The following WASF2 variants were observed in gnomAD, a reference collection of about 807,000 sequenced individuals.
WASF2 encodes the protein WASP family member 2, also known as actin-binding protein WASF2.
In WASF2, 14 loss-of-function variants were observed where a neutral mutation model predicts 45.0. The ratio of observed to expected loss-of-function variants is 0.31; its 90% CI spans 0.21 to 0.49. The LOEUF is 0.49. Among genes scored for constraint, WASF2 ranks in the 20% least tolerant of loss-of-function variants. The pLI is 0.99. For synonymous variants in WASF2, 200 were observed against 236.3 expected, an observed-to-expected ratio of 0.85 and a Z score of 1.41; for missense variants, 439 against 636.1, an observed-to-expected ratio of 0.69 and a Z score of 3.33.
chr1:27,418,416 A>G lies in WASF2; in HGVS notation c.272T>C (p.Leu91Pro). The change falls in exon 4 of 9, where the codon CTG (leucine) becomes CCG (proline). Residue 91 changes from leucine (L) to proline (P), a missense_variant. Physicochemically the swap from Leu to Pro is moderately conservative, Grantham distance 98. Transcript: ENST00000618852. ...GGCTTTTCGGGTGTTGATTCCTTGCAGTGACACTGAGAGAAGATGGAAGGC... is the reference window on the plus strand; with the variant it reads ...GGCTTTTCGGGTGTTGATTCCTTGCGGTGACACTGAGAGAAGATGGAAGGC... The part of the protein sequence containing the change: ...QLDPKEEEVS[L>P]QGINTRKAFR... The G allele has an allele frequency of 6.2e-7, 1 of 1,614,254 alleles. No individual in the cohort carries two copies. The highest frequency in any genetic ancestry group is 8.5e-7 in the Non-Finnish European group (1 of 1,180,048).
At chr1:27,451,052 GAAA>G (rs939560148) in intron 1 of WASF2, among the ~76,000 whole-genome samples, 1 of 143,122 alleles carries the variant, frequency 7.0e-6, no homozygotes, top group African/African-American at 2.6e-5. Flanking sequence ...CTCTTAAAAA[GAAA>G]AAAAAAAGCA....
chr1:27,418,806 C>A, intron 3 of WASF2, 148 bp downstream of exon 3: 1 of 978,704 alleles, frequency 1.0e-6, no homozygotes, highest in Non-Finnish European at 1.5e-6. Flanking sequence ...TTCTTTCCAG[C>A]ACTCAGGCTT....
chr1:27,432,488 A>G (rs2017079169), intron 1 of WASF2, among the ~76,000 whole-genome samples: 1 of 151,692 alleles, frequency 6.6e-6, no homozygotes, highest in Non-Finnish European at 1.5e-5. Context: ...CTCTACTAAA[A>G]ATACAAAAAA....
chr1:27,410,115 G>A lies in WASF2; in HGVS notation c.916C>T (p.Leu306=). The A allele has an allele frequency of 6.2e-7, 1 of 1,613,772 alleles. No individual in the cohort carries two copies. The highest frequency in any genetic ancestry group is 8.5e-7 in the Non-Finnish European group (1 of 1,179,720). The change falls in exon 8 of 9, where the codon CTA becomes TTA. Residue 306 remains leucine, a synonymous_variant. Coordinates refer to ENST00000618852, the MANE Select transcript of WASF2 (RefSeq NM_006990.5). The surrounding 1 kb of genome is among the most constrained non-coding windows in gnomAD (Gnocchi z 4.2). ...GGTTTAGGGCCTGGTGGAGAGCCTA[G>A]AGGAGGAGCTGGTGGTGGATGGCTT... ...SPSHPPPAPP[L]GSPPGPKPGF...
intron 1 of WASF2, among the ~76,000 whole-genome samples, chr1:27,477,024 T>C (rs2017775106): frequency 6.6e-6 from 1 of 152,194 alleles, no homozygotes; most frequent in African/African-American, 2.4e-5. Flanking sequence ...TGAATACAGC[T>C]ACAAAAAGGC....
intron 1 of WASF2, among the ~76,000 whole-genome samples, chr1:27,471,649 G>A (rs1019813588): frequency 9.9e-5 from 15 of 152,044 alleles, no homozygotes; most frequent in African/African-American, 3.1e-4. Flanking sequence ...CACACAAAGA[G>A]TAGATGACCT....
intron 1 of WASF2, among the ~76,000 whole-genome samples, chr1:27,456,751 T>G (rs1322915047): frequency 1.3e-5 from 2 of 150,630 alleles, no homozygotes. Flanking sequence ...TTTTTTTTTT[T>G]GGAGACAGAG....
Position 27,408,043 on chromosome 1 carries a change from A to G in WASF2, c.*146T>C, listed in dbSNP as rs769945179. ...GTTGACTTGGAGGAAGCACTTGGAT[A>G]TATCTTTGGTTGCTTCAGGGAAAGC... On this transcript the variant is annotated 3_prime_UTR_variant, in exon 9 of 9. Coordinates refer to ENST00000618852, the MANE Select transcript of WASF2 (RefSeq NM_006990.5). 1.1e-6 allele frequency: 1 copy of G among 924,348 alleles called. No homozygotes were observed. Among genetic ancestry groups the G allele is most frequent in the Non-Finnish European group, 1.6e-6 (1 of 631,240 alleles). The allele number at this position is 924,348 out of a possible 1,614,324, so 57.3% of individuals were successfully genotyped here. A position where few individuals can be genotyped will look rare whatever the true frequency, so the allele number is the denominator to read the frequency against.
intron 2 of WASF2, among the ~76,000 whole-genome samples, chr1:27,423,986 C>T (rs1255307181): frequency 6.6e-6 from 1 of 152,116 alleles, no homozygotes; most frequent in African/African-American, 2.4e-5. Context: ...AATACTGATA[C>T]AAAGTGCTGG....
chr1:27,408,603 T>C (rs1317123060), intron 8 of WASF2, among the ~76,000 whole-genome samples: 1 of 152,226 alleles, frequency 6.6e-6, no homozygotes. Flanking sequence ...CTCATAAGGC[T>C]TTGAAGTGGG....
intron 1 of WASF2, among the ~76,000 whole-genome samples, chr1:27,439,689 C>T (rs992324826): frequency 1.2e-4 from 19 of 152,152 alleles, no homozygotes; most frequent in Admixed American, 5.2e-4. Context: ...ACTGAACAGA[C>T]TCCTTGGAAC....
intron 1 of WASF2, among the ~76,000 whole-genome samples, chr1:27,442,886 A>G (rs1405394813): frequency 6.6e-6 from 1 of 150,380 alleles, no homozygotes; most frequent in African/African-American, 2.5e-5. Context: ...CTGTAAAACC[A>G]GCTACTCAGG....
intron 4 of WASF2, among the ~76,000 whole-genome samples, chr1:27,417,215 T>C (rs1476212011): frequency 1.3e-5 from 2 of 152,228 alleles, no homozygotes; most frequent in South Asian, 2.1e-4. Context: ...CCCTATGTTA[T>C]ACTCGCTACA....
chr1:27,487,488 ATT>A (rs2017948785), intron 1 of WASF2, among the ~76,000 whole-genome samples: 1 of 113,164 alleles, frequency 8.8e-6, no homozygotes, highest in Non-Finnish European at 1.7e-5. Context: ...ATAAATATAT[ATT>A]ATATAATATT....
Position 27,407,921 on chromosome 1 carries a change from T to C in WASF2, c.*268A>G. ...ATCTGCTTTGGGATTTCTCCTTCCT[T>C]TCAATATGCAACAGGCACTTGAAGG... On this transcript the variant is annotated 3_prime_UTR_variant, in exon 9 of 9. Coordinates refer to ENST00000618852, the MANE Select transcript of WASF2 (RefSeq NM_006990.5). 1 of 356,272 alleles carries C rather than the reference T, an allele frequency of 2.8e-6. No homozygotes were observed. Among genetic ancestry groups the C allele is most frequent in the South Asian group, 6.0e-5 (1 of 16,700 alleles). 22.1% of individuals were successfully genotyped at this position (356,272 alleles called of 1,614,324 possible). A position where few individuals can be genotyped will look rare whatever the true frequency, so the allele number is the denominator to read the frequency against.
rs1275274510 is a variant in WASF2 at position 27,418,393 on chromosome 1, C to G, written c.295G>C (p.Ala99Pro). 1 of 1,614,124 alleles carries G rather than the reference C, an allele frequency of 6.2e-7. No homozygotes were observed. Among genetic ancestry groups the G allele is most frequent in the Non-Finnish European group, 8.5e-7 (1 of 1,180,056 alleles). Residue 99 changes from alanine to proline, a missense_variant, in exon 4 of 9, where the codon GCC becomes CCC. Transcript: ENST00000618852. ...TCTTGAATGGTGGAACTTCTGAAGG[C>G]TTTTCGGGTGTTGATTCCTTGCAGT... ...VSLQGINTRK[A>P]FRSSTIQDQK...
rs1180562220 is a variant in WASF2 at position 27,428,877 on chromosome 1, G to A, written c.14C>T (p.Thr5Met). The A allele has an allele frequency of 6.8e-6, 11 of 1,613,930 alleles. No individual in the cohort carries two copies. The highest frequency in any genetic ancestry group is 1.6e-4 in the Middle Eastern group (1 of 6,072). The change falls in exon 2 of 9, where the codon ACG becomes ATG. Residue 5 changes from threonine to methionine, a missense_variant. Transcript: ENST00000618852. Reference protein sequence around the residue: MPLVTRNIEPRHLCR... With the variant: MPLVMRNIEPRHLCR... ...CAGGTGCCTTGGCTCGATGTTCCTCGTTACTAACGGCATGGTGGACCTGCT... is the reference window on the plus strand; with the variant it reads ...CAGGTGCCTTGGCTCGATGTTCCTCATTACTAACGGCATGGTGGACCTGCT...
At chr1:27,463,880 G>A (rs1051341012) in intron 1 of WASF2, among the ~76,000 whole-genome samples, 5 of 148,368 alleles carry the variant, frequency 3.4e-5, no homozygotes, top group South Asian at 2.1e-4. Flanking sequence ...TTGGCTCACC[G>A]CAACCTCAGC....
chr1:27,427,600 C>A (rs978535416), intron 2 of WASF2, among the ~76,000 whole-genome samples: 1 of 152,186 alleles, frequency 6.6e-6, no homozygotes, highest in African/African-American at 2.4e-5. Flanking sequence ...TTTCTCTAAG[C>A]CCTGGATCAA....
Sources: gnomAD v4.1 joint callset for allele counts (sites outside exome capture counted in the v4.1 genomes callset) on GRCh38, gnomAD v4.1.1 for gene constraint, Gnocchi (gnomAD v3.1) non-coding constraint, MANE v1.5 for transcripts, NCBI Gene and HGNC (gene_info 2026-07-23, HGNC 2026-07-21) for gene names.